Variants in AGBL4 observed in about 807,000 individuals in gnomAD.
AGBL4 encodes the protein AGBL carboxypeptidase 4, also known as cytosolic carboxypeptidase 6.
A neutral mutation model predicts 66.4 loss-of-function variants in AGBL4; 58 were observed. That is an observed-to-expected ratio of 0.87 (90% confidence interval 0.71 to 1.09). The LOEUF is 1.09. AGBL4 is among the 50% of genes least tolerant of loss of function. AGBL4 has a pLI of 0.00. For missense variants in AGBL4, 579 were observed against 631.0 expected, an observed-to-expected ratio of 0.92 and a Z score of 0.88; for synonymous variants, 234 against 222.9, an observed-to-expected ratio of 1.05 and a Z score of -0.44.
intron 6 of AGBL4, among the ~76,000 whole-genome samples, chr1:48,763,460 T>C (rs1415814035): frequency 1.3e-5 from 2 of 152,038 alleles, no homozygotes; most frequent in Non-Finnish European, 2.9e-5. Flanking sequence ...TATCTTGCAA[T>C]GGTGTTTTTT....
intron 3 of AGBL4, among the ~76,000 whole-genome samples, chr1:49,475,257 T>G (rs1212189157): frequency 6.6e-6 from 1 of 152,076 alleles, no homozygotes; most frequent in Non-Finnish European, 1.5e-5. Flanking sequence ...TTGCATATGT[T>G]GAACCATCCT....
At chr1:48,861,960 T>C (rs1324621048) in intron 6 of AGBL4, among the ~76,000 whole-genome samples, 1 of 152,200 alleles carries the variant, frequency 6.6e-6, no homozygotes, top group East Asian at 1.9e-4. Context: ...TACTTCCTAC[T>C]TAGCCCTGTA....
At chr1:49,579,805 T>C (rs1644507245) in intron 3 of AGBL4, among the ~76,000 whole-genome samples, 1 of 152,194 alleles carries the variant, frequency 6.6e-6, no homozygotes, top group Non-Finnish European at 1.5e-5. Flanking sequence ...AGCCTAGAAT[T>C]TTCTAAAAAT....
chr1:49,750,222 GTT>G (rs1436048726), intron 2 of AGBL4, among the ~76,000 whole-genome samples: 2 of 152,096 alleles, frequency 1.3e-5, no homozygotes, highest in Non-Finnish European at 2.9e-5. Context: ...GCTTTTTATG[GTT>G]TTAGGTCTTA....
chr1:48,734,537 C>T (rs1254020492), intron 6 of AGBL4, among the ~76,000 whole-genome samples: 2 of 152,204 alleles, frequency 1.3e-5, no homozygotes, highest in Admixed American at 6.5e-5. Flanking sequence ...CTTCCCAGCC[C>T]TACAAGACAG....
Position 48,884,561 on chromosome 1 carries a change from G to C in AGBL4, c.595-17331C>G, listed in dbSNP as rs189065629. 1.5e-3 allele frequency among the ~76,000 whole-genome samples: 233 copies of C among 152,304 alleles called. 1 individual carries two copies. Among genetic ancestry groups the C allele is most frequent in the Non-Finnish European group, 2.3e-3 (154 of 68,024 alleles). ...AGCTCCTATATGTGGGCAGATGGAA[G>C]ACAGTGACAATTGTCCATTGCTTCC... On this transcript the variant is annotated intron_variant, in intron 5 of 13. Coordinates refer to ENST00000371839, the MANE Select transcript of AGBL4 (RefSeq NM_032785.4).
intron 6 of AGBL4, among the ~76,000 whole-genome samples, chr1:48,737,454 A>G (rs956099488): frequency 4.6e-5 from 7 of 152,134 alleles, no homozygotes; most frequent in African/African-American, 1.7e-4. Flanking sequence ...TGCCAATTGG[A>G]GTAGGGCTGT....
chr1:49,454,331 C>T (rs1646343334), intron 3 of AGBL4, among the ~76,000 whole-genome samples: 1 of 151,706 alleles, frequency 6.6e-6, no homozygotes. Context: ...GAAGCTGACT[C>T]CAAGTCAGTG....
chr1:49,708,563 CAAA>C (rs1188167481), intron 2 of AGBL4, among the ~76,000 whole-genome samples: 1 of 152,120 alleles, frequency 6.6e-6, no homozygotes, highest in Non-Finnish European at 1.5e-5. Flanking sequence ...GTCAATTCAT[CAAA>C]CTCATTCTCC....
At chr1:49,992,282 G>T (rs2148404712) in intron 1 of AGBL4, among the ~76,000 whole-genome samples, 1 of 151,378 alleles carries the variant, frequency 6.6e-6, no homozygotes, top group East Asian at 2.0e-4. Context: ...TGAGGCAGGA[G>T]AATGGCGTAA....
chr1:49,917,148 C>T lies in AGBL4; in HGVS notation c.35-65630G>A, dbSNP rs530326738. ...GCAAAATCATGCCAAATTATAAACACCATTGATGCTAGGAAGAAATTGCAT... is the reference window on the plus strand; with the variant it reads ...GCAAAATCATGCCAAATTATAAACATCATTGATGCTAGGAAGAAATTGCAT... On this transcript the variant is annotated intron_variant, in intron 1 of 13. Coordinates refer to ENST00000371839, the MANE Select transcript of AGBL4 (RefSeq NM_032785.4). Among the ~76,000 whole-genome samples, 5 of 152,116 alleles carry T rather than the reference C, an allele frequency of 3.3e-5. No individual in the cohort carries two copies. The South Asian group carries it at 1.0e-3, about 32-fold the overall frequency.
intron 4 of AGBL4, among the ~76,000 whole-genome samples, chr1:49,134,449 C>G (rs549984543): frequency 7.5e-4 from 112 of 149,526 alleles, no homozygotes; most frequent in Non-Finnish European, 1.4e-3. Flanking sequence ...ATAAGGCAGA[C>G]ACTCCCAGAG....
chr1:49,662,346 T>G (rs1421996362), intron 3 of AGBL4, among the ~76,000 whole-genome samples: 1 of 152,000 alleles, frequency 6.6e-6, no homozygotes, highest in African/African-American at 2.4e-5. Context: ...AGCCATATAA[T>G]AGTCTTCCAC....
At chr1:49,196,003 C>T (rs761320020) in intron 4 of AGBL4, among the ~76,000 whole-genome samples, 5 of 152,098 alleles carry the variant, frequency 3.3e-5, no homozygotes, top group East Asian at 3.9e-4. Flanking sequence ...TCTCTCCTGC[C>T]GCCATGTGAA....
At chr1:49,891,873 C>A (rs1336733245) in intron 1 of AGBL4, among the ~76,000 whole-genome samples, 1 of 152,210 alleles carries the variant, frequency 6.6e-6, no homozygotes, top group Non-Finnish European at 1.5e-5. Context: ...TCACTTAACA[C>A]TTTGAGACTA....
At chr1:49,937,877 C>T (rs1654267852) in intron 1 of AGBL4, among the ~76,000 whole-genome samples, 1 of 151,722 alleles carries the variant, frequency 6.6e-6, no homozygotes, top group Non-Finnish European at 1.5e-5. Flanking sequence ...GCACTAAATC[C>T]CCACAAGAGA....
chr1:49,033,839 C>A (rs893027620), intron 5 of AGBL4, among the ~76,000 whole-genome samples: 11 of 137,126 alleles, frequency 8.0e-5, no homozygotes, highest in Non-Finnish European at 1.7e-4. Context: ...TTTTTTTTTA[C>A]TTCTCAGATT....
At chr1:49,927,262 T>A (rs559218743) in intron 1 of AGBL4, among the ~76,000 whole-genome samples, 1 of 152,164 alleles carries the variant, frequency 6.6e-6, no homozygotes, top group Non-Finnish European at 1.5e-5. Context: ...GTATTAACCA[T>A]CACAGGCTGT....
intron 3 of AGBL4, among the ~76,000 whole-genome samples, chr1:49,653,184 A>T (rs2124455972): frequency 6.6e-6 from 1 of 152,274 alleles, no homozygotes; most frequent in East Asian, 1.9e-4. Context: ...ACCCAAGTGA[A>T]TAGGGTCTGG....
Sources: gnomAD v4.1 joint callset for allele counts (sites outside exome capture counted in the v4.1 genomes callset) on GRCh38, gnomAD v4.1.1 for gene constraint, MANE v1.5 for transcripts, NCBI Gene and HGNC (gene_info 2026-07-23, HGNC 2026-07-21) for gene names.